CLIP2: variants seen among roughly 807,000 people sequenced by gnomAD.
The protein encoded by CLIP2 is CAP-Gly domain containing linker protein 2.
A neutral mutation model predicts 111.7 loss-of-function variants in CLIP2; 41 were observed. The ratio of observed to expected loss-of-function variants is 0.37; its 90% CI spans 0.29 to 0.48. The LOEUF is 0.48. CLIP2 is among the 20% of genes least tolerant of loss of function. The pLI is 0.99. For missense variants in CLIP2, 1,160 were observed against 1,422.1 expected (o/e 0.82, Z 2.96); for synonymous variants, 660 against 644.2 (o/e 1.02, Z -0.37).
intron 14 of CLIP2, among the ~76,000 whole-genome samples, chr7:74,399,796 T>G (rs1324370537): frequency 6.6e-6 from 1 of 151,664 alleles, no homozygotes; most frequent in Non-Finnish European, 1.5e-5. Context: ...TGCCTCGGCC[T>G]CCCAAAGTGC....
At chr7:74,320,715 G>A (rs1788926207) in intron 2 of CLIP2, among the ~76,000 whole-genome samples, 1 of 152,118 alleles carries the variant, frequency 6.6e-6, no homozygotes, top group Admixed American at 6.6e-5. Context: ...GGGCAATCAG[G>A]GAAGACTTCC....
Position 74,400,356 on chromosome 7 carries a change from C to T in CLIP2, c.2881-14C>T. Reference sequence around the variant, plus strand: ...GCACACTCATGTACTCTTCCACTCTCCTGCCACTTCCAGGACAAAGAGAAA... The same window carrying T: ...GCACACTCATGTACTCTTCCACTCTTCTGCCACTTCCAGGACAAAGAGAAA... On this transcript the variant is annotated splice_polypyrimidine_tract_variant and intron_variant, in intron 14 of 16. Transcript: ENST00000223398. The T allele has an allele frequency of 6.3e-7, 1 of 1,595,490 alleles. No individual in the cohort carries two copies. Among genetic ancestry groups the T allele is most frequent in the Non-Finnish European group, 8.6e-7 (1 of 1,168,252 alleles).
intron 1 of CLIP2, among the ~76,000 whole-genome samples, chr7:74,304,858 T>C (rs1788432234): frequency 6.6e-6 from 1 of 151,818 alleles, no homozygotes; most frequent in South Asian, 2.1e-4. Flanking sequence ...GGAAGGAGGA[T>C]CACTTGAGCC....
chr7:74,300,692 A>G (rs982294202), intron 1 of CLIP2, among the ~76,000 whole-genome samples: 3 of 151,002 alleles, frequency 2.0e-5, no homozygotes, highest in Non-Finnish European at 4.4e-5. Flanking sequence ...TCCTGACCTC[A>G]TGATCCACCC....
intron 4 of CLIP2, 113 bp downstream of exon 4, chr7:74,354,117 C>A: frequency 1.6e-6 from 2 of 1,287,756 alleles, no homozygotes; most frequent in Non-Finnish European, 2.1e-6. Flanking sequence ...TAGTGTCAGA[C>A]ACCATAAGTC....
chr7:74,383,221 A>G (rs1790995864), intron 11 of CLIP2, among the ~76,000 whole-genome samples: 1 of 151,968 alleles, frequency 6.6e-6, no homozygotes, highest in South Asian at 2.1e-4. Context: ...GTGTGAGATA[A>G]GGATCCATTT....
rs562719168 is a variant in CLIP2, at chr7:74,398,016, G to A, written c.2880+783G>A. On this transcript the variant is annotated intron_variant, in intron 14 of 16. Coordinates refer to ENST00000223398, the MANE Select transcript of CLIP2 (RefSeq NM_003388.5). Reference sequence around the variant, plus strand: ...GGAACCTGACTTCACTGAGTCTGCAGAGACGGGTTGGGGTAGGCAGGTGAT... The same window carrying A: ...GGAACCTGACTTCACTGAGTCTGCAAAGACGGGTTGGGGTAGGCAGGTGAT... 1.6e-4 allele frequency among the ~76,000 whole-genome samples: 25 copies of A among 151,990 alleles called. No individual in the cohort carries two copies. In the East Asian group the frequency reaches 4.3e-3, roughly 26 times the overall value.
chr7:74,329,447 C>T (rs868915336), intron 2 of CLIP2, among the ~76,000 whole-genome samples: 6 of 152,134 alleles, frequency 3.9e-5, no homozygotes, highest in Admixed American at 6.6e-5. Context: ...TTGTGGTCAC[C>T]GTGCTCATTG....
chr7:74,350,732 G>A lies in CLIP2; in HGVS notation c.679-3148G>A, dbSNP rs545260001. Among the ~76,000 whole-genome samples, 18 of 151,994 alleles carry A rather than the reference G, an allele frequency of 1.2e-4. No homozygotes were observed. In the South Asian group the frequency reaches 3.3e-3, roughly 28 times the overall value. On this transcript the variant is annotated intron_variant, in intron 3 of 16. Coordinates refer to ENST00000223398, the MANE Select transcript of CLIP2 (RefSeq NM_003388.5). ...AATGTTCAAAAATTAGCTAGGTATC[G>A]TGGTGTGTTCTGTAATCTCAGCTAC...
intron 7 of CLIP2, among the ~76,000 whole-genome samples, chr7:74,361,112 TTCCC>T (rs1397097000): frequency 6.7e-6 from 1 of 148,654 alleles, no homozygotes; most frequent in Non-Finnish European, 1.5e-5. Context: ...TTCCCCTTTT[TTCCC>T]TCCCTCCCTC....
rs781783916 is a variant in CLIP2 at position 74,376,678 on chromosome 7, C to A, written c.2277C>A (p.Ala759=). 6.2e-7 allele frequency: 1 copy of A among 1,613,230 alleles called. No individual in the cohort carries two copies. Among genetic ancestry groups the A allele is most frequent in the Non-Finnish European group, 8.5e-7 (1 of 1,179,828 alleles). The change falls in exon 10 of 17, where the codon GCC becomes GCA. Residue 759 remains alanine (A), a synonymous_variant. Transcript: ENST00000223398. The surrounding 1 kb of genome is among the most constrained non-coding windows in gnomAD (Gnocchi z 7.1). ...IEFLKEQISL[A]EKKMLDYERL... is the part of the protein sequence containing the mutation. ...TCCTCAAGGAGCAGATCTCGCTGGC[C>A]GAGAAGAAGATGTTGGACTACGAGC...
intron 1 of CLIP2, among the ~76,000 whole-genome samples, chr7:74,311,454 T>C (rs1788638238): frequency 6.6e-6 from 1 of 152,238 alleles, no homozygotes; most frequent in Non-Finnish European, 1.5e-5. Flanking sequence ...ATCTCTTGTT[T>C]TGATCTGTAT....
chr7:74,390,123 AGAG>A (rs1237842539), intron 13 of CLIP2, among the ~76,000 whole-genome samples: 1 of 127,418 alleles, frequency 7.8e-6, no homozygotes, highest in African/African-American at 3.5e-5. Context: ...AAGAAAGAAA[AGAG>A]AGAGAGAGAG....
chr7:74,291,769 C>G (rs537301544), intron 1 of CLIP2, among the ~76,000 whole-genome samples: 1 of 152,276 alleles, frequency 6.6e-6, no homozygotes, highest in African/African-American at 2.4e-5. Context: ...GCAGCCTCCT[C>G]CCTGGTCCTG....
At chr7:74,324,080 C>T (rs907993376) in intron 2 of CLIP2, among the ~76,000 whole-genome samples, 2 of 152,182 alleles carry the variant, frequency 1.3e-5, no homozygotes, top group East Asian at 1.9e-4. Context: ...GCAACTTCTG[C>T]CCCCTGGGTT....
Position 74,372,980 on chromosome 7 carries a change from C to T in CLIP2, c.1429C>T (p.Leu477=). Residue 477 remains leucine (L), a synonymous_variant, in exon 9 of 17, where the codon CTG becomes TTG. Coordinates refer to ENST00000223398, the MANE Select transcript of CLIP2 (RefSeq NM_003388.5). ...HARIGELEQS[L]LLEKAQAERL... is the part of the protein sequence containing the mutation. ...GCGCATTGGGGAGCTGGAACAGAGC[C>T]TGCTACTGGAGAAGGCGCAGGCCGA... 1 of 1,600,836 alleles carries T rather than the reference C, an allele frequency of 6.2e-7. No homozygotes were observed. The highest frequency in any genetic ancestry group is 8.5e-7 in the Non-Finnish European group (1 of 1,175,620).
At chr7:74,381,507 G>T (rs1790946249) in intron 11 of CLIP2, 1 of 431,986 alleles carries the variant, frequency 2.3e-6, no homozygotes, top group South Asian at 1.7e-5. Context: ...TTAAAAACAG[G>T]TCTAAACTTC....
chr7:74,296,788 CAAA>C (rs3044389), intron 1 of CLIP2, among the ~76,000 whole-genome samples: 2 of 120,140 alleles, frequency 1.7e-5, no homozygotes. Flanking sequence ...GATTTTGTCT[CAAA>C]AAAAAAAAAA....
chr7:74,373,143 C>CTTTTTTATTTTTA (rs1790684541), intron 9 of CLIP2, 107 bp downstream of exon 9: 1 of 663,190 alleles, frequency 1.5e-6, no homozygotes, highest in African/African-American at 1.8e-5. Context: ...CTGCTATCAT[C>CTTTTTTATTTTTA]TTTTTTATTT....
Sources: gnomAD v4.1 joint callset for allele counts (sites outside exome capture counted in the v4.1 genomes callset) on GRCh38, gnomAD v4.1.1 for gene constraint, Gnocchi (gnomAD v3.1) non-coding constraint, MANE v1.5 for transcripts, NCBI Gene and HGNC (gene_info 2026-07-23, HGNC 2026-07-21) for gene names.